Variants in CSMD1 observed in about 807,000 individuals in gnomAD.
CSMD1 encodes the protein CUB and Sushi multiple domains 1.
A neutral mutation model predicts 417.5 loss-of-function variants in CSMD1; 213 were observed. The observed-to-expected ratio is 0.51, with a 90% CI of 0.46 to 0.57. CSMD1 has a LOEUF of 0.57. Among genes scored for constraint, CSMD1 ranks in the 20% least tolerant of loss-of-function variants. CSMD1 has a pLI of 0.00. For synonymous variants in CSMD1, 2,862 were observed against 1,736.8 expected, an observed-to-expected ratio of 1.65 and a Z score of -16.11; for missense variants, 6,923 against 4,529.7, an observed-to-expected ratio of 1.53 and a Z score of -15.17.
At chr8:4,528,415 C>T (rs1376320616) in intron 2 of CSMD1, among the ~76,000 whole-genome samples, 1 of 152,152 alleles carries the variant, frequency 6.6e-6, no homozygotes, top group Non-Finnish European at 1.5e-5. Context: ...ATGCAAAACA[C>T]ATGTGGACTT....
At chr8:4,535,479 G>C (rs1227006375) in intron 2 of CSMD1, among the ~76,000 whole-genome samples, 5 of 152,056 alleles carry the variant, frequency 3.3e-5, no homozygotes, top group South Asian at 2.1e-4. Context: ...TTTTGATGAA[G>C]TATATGTGTT....
chr8:4,504,198 G>C (rs564285629), intron 2 of CSMD1, among the ~76,000 whole-genome samples: 1 of 152,234 alleles, frequency 6.6e-6, no homozygotes, highest in African/African-American at 2.4e-5. Flanking sequence ...GAACCTCAAG[G>C]TCATTATACT....
intron 3 of CSMD1, among the ~76,000 whole-genome samples, chr8:4,323,197 T>G (rs191333809): frequency 6.6e-6 from 1 of 152,150 alleles, no homozygotes; most frequent in Non-Finnish European, 1.5e-5. Context: ...AGTTCTAAAC[T>G]CCTATGCAGA....
At chr8:4,954,254 C>T (rs1468976850) in intron 1 of CSMD1, among the ~76,000 whole-genome samples, 2 of 152,098 alleles carry the variant, frequency 1.3e-5, no homozygotes, top group East Asian at 3.9e-4. Flanking sequence ...AAACAATTAC[C>T]AATTACGATA....
Position 2,938,692 on chromosome 8 carries a change from C to T in CSMD1, c.10588G>A (p.Gly3530Arg), listed in dbSNP as rs750929251. The change falls in exon 70 of 70, where the codon GGA becomes AGA. Residue 3530 changes from glycine to arginine, a missense_variant. Physicochemically the swap from Gly to Arg is moderately radical, Grantham distance 125. Coordinates refer to ENST00000635120, the MANE Select transcript of CSMD1 (RefSeq NM_033225.6). Reference protein sequence around the residue: ...NGYAGHENSNGQASFENPMYD... With the variant: ...NGYAGHENSNRQASFENPMYD... ...ATGGGGTTTTCAAACGATGCTTGTC[C>T]ATTGCTGTTTTCATGCCCAGCATAG... is the stretch of plus-strand genomic sequence containing the variant. 1.2e-6 allele frequency: 2 copies of T among 1,611,842 alleles called. No homozygotes were observed. The highest frequency in any genetic ancestry group is 1.7e-6 in the Non-Finnish European group (2 of 1,178,888).
At chr8:3,391,796 A>G (rs926296781) in intron 17 of CSMD1, among the ~76,000 whole-genome samples, 1 of 152,212 alleles carries the variant, frequency 6.6e-6, no homozygotes, top group Non-Finnish European at 1.5e-5. Context: ...TTTTGTCTGT[A>G]GAGATCATTG....
At chr8:4,038,924 G>A (rs999689395) in intron 3 of CSMD1, among the ~76,000 whole-genome samples, 1 of 152,090 alleles carries the variant, frequency 6.6e-6, no homozygotes, top group Non-Finnish European at 1.5e-5. Context: ...CACTTAATTT[G>A]GCAAGTACAT....
At chr8:3,414,888 G>A (rs531969039) in intron 12 of CSMD1, among the ~76,000 whole-genome samples, 1 of 152,222 alleles carries the variant, frequency 6.6e-6, no homozygotes, top group African/African-American at 2.4e-5. Context: ...GCTCGGGGAT[G>A]GCCTGTATCC....
intron 5 of CSMD1, among the ~76,000 whole-genome samples, chr8:3,894,903 G>A (rs534338335): frequency 1.3e-5 from 2 of 152,230 alleles, no homozygotes; most frequent in East Asian, 3.9e-4. Context: ...ATTACAGTGG[G>A]TTCCTAGTAT....
At chr8:3,684,223 A>G (rs895189747) in intron 7 of CSMD1, among the ~76,000 whole-genome samples, 3 of 143,880 alleles carry the variant, frequency 2.1e-5, no homozygotes, top group Non-Finnish European at 4.5e-5. Flanking sequence ...AATATATAAC[A>G]TAATATATAA....
At chr8:4,198,352 G>C (rs1354916260) in intron 3 of CSMD1, among the ~76,000 whole-genome samples, 1 of 152,236 alleles carries the variant, frequency 6.6e-6, no homozygotes. Context: ...TGTGTGCTAA[G>C]CCAGGAGCCT....
chr8:4,058,414 T>C (rs1205977626), intron 3 of CSMD1, among the ~76,000 whole-genome samples: 1 of 152,180 alleles, frequency 6.6e-6, no homozygotes, highest in Non-Finnish European at 1.5e-5. Context: ...AAGATGCTTA[T>C]CAGCTTAAGG....
intron 3 of CSMD1, among the ~76,000 whole-genome samples, chr8:4,078,896 AATATATATATATATATATATATATATAT>A (rs1173719388): frequency 8.7e-4 from 38 of 43,554 alleles, no homozygotes; most frequent in African/African-American, 2.7e-3. Flanking sequence ...AATAATAATA[AATATATATATATATATATATATATATAT>A]ATATATATAT....
chr8:4,930,486 G>C (rs543489885), intron 1 of CSMD1, among the ~76,000 whole-genome samples: 11 of 152,140 alleles, frequency 7.2e-5, no homozygotes, highest in Non-Finnish European at 1.6e-4. Context: ...GCACAGCTGT[G>C]CTGAAAATTG....
chr8:2,973,881 A>ATGGTAGAGGATGG (rs1563196428), intron 56 of CSMD1, among the ~76,000 whole-genome samples: 9 of 108,000 alleles, frequency 8.3e-5, no homozygotes, highest in East Asian at 2.9e-4. Flanking sequence ...GTAGAGGATG[A>ATGGTAGAGGATGG]TGGTAGAGGA....
chr8:4,824,765 A>G (rs957776315), intron 1 of CSMD1, among the ~76,000 whole-genome samples: 2 of 152,172 alleles, frequency 1.3e-5, no homozygotes, highest in African/African-American at 4.8e-5. Context: ...CAAAGACAAA[A>G]GCTAACAAGA....
chr8:4,088,589 C>A lies in CSMD1; in HGVS notation c.416-56490G>T, dbSNP rs546471555. On this transcript the variant is annotated intron_variant, in intron 3 of 69. Transcript: ENST00000635120. ...TATCATTTCCTGAGACTATACCTCC[C>A]ACATGTATTCTCTCTCTCTCCCCTT... Among the ~76,000 whole-genome samples the A allele has an allele frequency of 7.9e-5, 12 of 152,224 alleles. No homozygotes were observed. In the South Asian group the frequency reaches 2.3e-3, roughly 29 times the overall value.
At chr8:4,243,109 A>C (rs1002921228) in intron 3 of CSMD1, among the ~76,000 whole-genome samples, 4 of 152,056 alleles carry the variant, frequency 2.6e-5, no homozygotes, top group African/African-American at 7.2e-5. Flanking sequence ...GAACATGTTC[A>C]CTGTGGAAAA....
Position 4,577,111 on chromosome 8 carries a change from G to A in CSMD1, c.302+60231C>T, listed in dbSNP as rs183527975. Among the ~76,000 whole-genome samples, 556 of 152,078 alleles carry A rather than the reference G, an allele frequency of 3.7e-3. 3 individuals are homozygous for A. Among genetic ancestry groups the A allele is most frequent in the African/African-American group, 0.013 (521 of 41,494 alleles). On this transcript the variant is annotated intron_variant, in intron 2 of 69. Transcript: ENST00000635120. ...GTATATACACACACATATATAACGT[G>A]TATAATTTATGCTAATCTTCTGCAA...
Sources: gnomAD v4.1 joint callset for allele counts (sites outside exome capture counted in the v4.1 genomes callset) on GRCh38, gnomAD v4.1.1 for gene constraint, MANE v1.5 for transcripts, NCBI Gene and HGNC (gene_info 2026-07-23, HGNC 2026-07-21) for gene names.